Variants in ATXN7L1 observed in about 807,000 individuals in gnomAD.
ATXN7L1 encodes ataxin-7-like protein 1.
Under a neutral mutation model 70.8 loss-of-function variants are expected in ATXN7L1, and 15 were observed. That is an observed-to-expected ratio of 0.21 (90% CI 0.14 to 0.33). The LOEUF (loss-of-function observed/expected upper bound fraction) is 0.33, where lower values mean the gene tolerates loss of function less well. ATXN7L1 is among the 10% of genes least tolerant of loss of function. ATXN7L1 has a pLI of 1.00. For synonymous variants in ATXN7L1, 440 were observed against 445.1 expected, an observed-to-expected ratio of 0.99 and a Z score of 0.14; for missense variants, 975 against 1,097.1, an observed-to-expected ratio of 0.89 and a Z score of 1.57.
At chr7:105,703,074 C>G (rs1360752341) in intron 3 of ATXN7L1, among the ~76,000 whole-genome samples, 3 of 152,236 alleles carry the variant, frequency 2.0e-5, no homozygotes, top group Non-Finnish European at 4.4e-5. Context: ...CCAGATCTTG[C>G]CACTGCACTC....
chr7:105,866,334 T>C (rs965989378), intron 2 of ATXN7L1, among the ~76,000 whole-genome samples: 1 of 152,176 alleles, frequency 6.6e-6, no homozygotes, highest in South Asian at 2.1e-4. Flanking sequence ...GGAGAGTATT[T>C]ATTTGGTTTC....
At chr7:105,809,902 C>A (rs1004377466) in intron 2 of ATXN7L1, among the ~76,000 whole-genome samples, 1 of 152,114 alleles carries the variant, frequency 6.6e-6, no homozygotes, top group Admixed American at 6.5e-5. Context: ...TCCCAAGTAG[C>A]TGGGACGAAA....
intron 3 of ATXN7L1, chr7:105,679,327 G>T (rs572164009): frequency 3.1e-5 from 6 of 191,028 alleles, no homozygotes; most frequent in Admixed American, 6.5e-5. Context: ...AGGCTCCTCA[G>T]AGGAGTATCA....
At chr7:105,670,895 A>AG (rs1803465719) in intron 3 of ATXN7L1, among the ~76,000 whole-genome samples, 2 of 152,090 alleles carry the variant, frequency 1.3e-5, no homozygotes, top group Admixed American at 1.3e-4. Context: ...TCACGAGGTC[A>AG]GGAGATCGAG....
chr7:105,705,291 G>T (rs1020973505), intron 3 of ATXN7L1, among the ~76,000 whole-genome samples: 11 of 152,244 alleles, frequency 7.2e-5, no homozygotes, highest in African/African-American at 2.6e-4. Flanking sequence ...CTCCCAAAGT[G>T]CTGGGACTAC....
chr7:105,876,158 C>T (rs1819252738), intron 1 of ATXN7L1, among the ~76,000 whole-genome samples: 1 of 152,048 alleles, frequency 6.6e-6, no homozygotes, highest in African/African-American at 2.4e-5. Context: ...CGGGCTGCCA[C>T]GGGGAGCCGG....
intron 3 of ATXN7L1, among the ~76,000 whole-genome samples, chr7:105,717,544 G>T (rs138943726): frequency 1.0e-3 from 153 of 152,218 alleles, no homozygotes; most frequent in African/African-American, 3.5e-3. Flanking sequence ...TCCCTTAAAG[G>T]CATGCTTGTA....
At chr7:105,631,463 C>T (rs1232067449) in intron 7 of ATXN7L1, among the ~76,000 whole-genome samples, 1 of 152,136 alleles carries the variant, frequency 6.6e-6, no homozygotes, top group Non-Finnish European at 1.5e-5. Flanking sequence ...GCCAGGACAC[C>T]CTCTTCTGTA....
At chr7:105,866,020 G>T (rs1176997127) in intron 2 of ATXN7L1, among the ~76,000 whole-genome samples, 1 of 152,116 alleles carries the variant, frequency 6.6e-6, no homozygotes, top group African/African-American at 2.4e-5. Context: ...CTGGGACCAT[G>T]TCTCCAGCAT....
At chr7:105,627,827 C>T (rs1462795827) in intron 7 of ATXN7L1, among the ~76,000 whole-genome samples, 5 of 141,330 alleles carry the variant, frequency 3.5e-5, no homozygotes, top group African/African-American at 8.0e-5. Context: ...CCACCACGCC[C>T]GGTCCTGTCT....
intron 2 of ATXN7L1, chr7:105,819,667 G>A (rs1008082351): frequency 4.3e-6 from 4 of 940,468 alleles, no homozygotes; most frequent in Admixed American, 1.7e-5. Flanking sequence ...GTCTTCCTCC[G>A]CAAGCAGATG....
At chr7:105,702,808 C>T (rs770304601) in intron 3 of ATXN7L1, among the ~76,000 whole-genome samples, 4 of 151,654 alleles carry the variant, frequency 2.6e-5, no homozygotes, top group Admixed American at 1.3e-4. Flanking sequence ...GGAGAAACCC[C>T]GTCTCTACTA....
rs1562972012 is a variant in ATXN7L1 at position 105,665,185 on chromosome 7, G to C, written c.459C>G (p.Ser153Arg). 3.2e-6 allele frequency: 5 copies of C among 1,551,574 alleles called. No homozygotes were observed. Among genetic ancestry groups the C allele is most frequent in the Non-Finnish European group, 3.5e-6 (4 of 1,146,986 alleles). The change falls in exon 4 of 12, where the codon AGC becomes AGG. Residue 153 changes from serine to arginine, a missense_variant. Ser to Arg is a moderately radical substitution (Grantham distance 110, BLOSUM62 -1). Transcript: ENST00000419735. ...AGGTGCTGCTGGCAGAGTGATGGCC[G>C]CTGAGACAGGCTTTTGTTTTCACCT... ...LVQVKTKACLSGHHSASSTSK... is the reference protein window; with the variant it reads ...LVQVKTKACLRGHHSASSTSK...
chr7:105,687,851 A>G (rs1452183765), intron 3 of ATXN7L1, among the ~76,000 whole-genome samples: 1 of 152,066 alleles, frequency 6.6e-6, no homozygotes, highest in Non-Finnish European at 1.5e-5. Context: ...TCTTTCATGC[A>G]TTCCCACTGA....
At chr7:105,654,583 T>G (rs967279712) in intron 4 of ATXN7L1, among the ~76,000 whole-genome samples, 5 of 152,254 alleles carry the variant, frequency 3.3e-5, no homozygotes, top group Non-Finnish European at 7.3e-5. Flanking sequence ...AGCCCATCGC[T>G]TCATCTCTTT....
intron 2 of ATXN7L1, among the ~76,000 whole-genome samples, chr7:105,851,628 T>A (rs1303920425): frequency 1.3e-5 from 2 of 152,058 alleles, no homozygotes; most frequent in African/African-American, 2.4e-5. Flanking sequence ...CGTGTTTCCA[T>A]CCCCCTCCCA....
intron 2 of ATXN7L1, among the ~76,000 whole-genome samples, chr7:105,865,995 T>C (rs1817410152): frequency 6.6e-6 from 1 of 152,322 alleles, no homozygotes; most frequent in South Asian, 2.1e-4. Flanking sequence ...ATCACCTTGG[T>C]CTGATATAAC....
intron 3 of ATXN7L1, among the ~76,000 whole-genome samples, chr7:105,681,364 C>T (rs1041973056): frequency 3.9e-5 from 6 of 152,178 alleles, no homozygotes; most frequent in African/African-American, 1.2e-4. Context: ...TATCATTTCA[C>T]ACCCACTGGG....
chr7:105,820,851 T>C (rs1810030339), intron 2 of ATXN7L1, among the ~76,000 whole-genome samples: 1 of 152,122 alleles, frequency 6.6e-6, no homozygotes, highest in East Asian at 1.9e-4. Context: ...TCTGGTTGTT[T>C]AAAAGTCTGG....
Sources: gnomAD v4.1 joint callset for allele counts (sites outside exome capture counted in the v4.1 genomes callset) on GRCh38, gnomAD v4.1.1 for gene constraint, MANE v1.5 for transcripts, NCBI Gene and HGNC (gene_info 2026-07-23, HGNC 2026-07-21) for gene names.